Variants in CNOT3 observed in about 807,000 individuals in gnomAD.
CNOT3 encodes the protein CCR4-NOT transcription complex subunit 3.
A neutral mutation model predicts 89.4 loss-of-function variants in CNOT3; 2 were observed. The ratio of observed to expected loss-of-function variants is 0.02; its 90% CI spans 0.01 to 0.07. CNOT3 has a LOEUF of 0.07. Ranked by LOEUF, CNOT3 falls within the 10% of genes least tolerant of loss-of-function variation. The probability of loss-of-function intolerance (pLI) is 1.00; values close to 1 mark genes in which losing one functional copy is unlikely to be tolerated. For synonymous variants in CNOT3, 486 were observed against 402.0 expected (o/e 1.21, Z -2.50); for missense variants, 664 against 1,010.2 (o/e 0.66, Z 4.65).
rs771349135 is a variant in CNOT3, at chr19:54,153,554, G to C, written c.2038-161G>C. 2.6e-6 allele frequency: 2 copies of C among 779,740 alleles called. 1 individual carries two copies. Among genetic ancestry groups the C allele is most frequent in the South Asian group, 2.7e-5 (2 of 73,952 alleles). The allele number at this position is 779,740 out of a possible 1,614,324, so 48.3% of individuals were successfully genotyped here. Reference sequence around the variant, plus strand: ...ATTTTCCTTCTCCTGATCAGCATTGGTATGTTCTGTGCCCCCAGCCCCATC... The same window carrying C: ...ATTTTCCTTCTCCTGATCAGCATTGCTATGTTCTGTGCCCCCAGCCCCATC... On this transcript the variant is annotated intron_variant, in intron 16 of 17. Coordinates refer to ENST00000221232, the MANE Select transcript of CNOT3 (RefSeq NM_014516.4).
intron 13 of CNOT3, 141 bp downstream of exon 13, chr19:54,149,899 T>C: frequency 1.1e-6 from 1 of 885,292 alleles, no homozygotes; most frequent in Non-Finnish European, 1.7e-6. Flanking sequence ...ACTTGCTCTT[T>C]CTCCAGGTCT....
chr19:54,148,901 A>C lies in CNOT3; in HGVS notation c.1406+158A>C, dbSNP rs772992819. Among the ~76,000 whole-genome samples, 2 of 152,124 alleles carry C rather than the reference A, an allele frequency of 1.3e-5. No individual in the cohort carries two copies. Among genetic ancestry groups the C allele is most frequent in the Admixed American group, 6.5e-5 (1 of 15,270 alleles). The stretch of plus-strand genomic sequence containing the variant: ...CATCTCCCTCGGGTGTTACACCCCC[A>C]CTTCTTTCCAGCAAGGAAACTACAT... On this transcript the variant is annotated intron_variant, in intron 12 of 17. Transcript: ENST00000221232. This position sits in a 1 kb window ranked among gnomAD's most constrained non-coding sequence, Gnocchi z 6.3.
intron 15 of CNOT3, 63 bp from the exon 16 acceptor site, chr19:54,152,804 C>T (rs768661490): frequency 1.1e-6 from 1 of 882,576 alleles, no homozygotes; most frequent in Non-Finnish European, 1.9e-6. Context: ...CATGTCTGAG[C>T]ACCCTTTTGA....
Position 54,152,672 on chromosome 19 carries a change from C to A in CNOT3, c.1904+46C>A, listed in dbSNP as rs202242424. On this transcript the variant is annotated intron_variant, in intron 15 of 17. Coordinates refer to ENST00000221232, the MANE Select transcript of CNOT3 (RefSeq NM_014516.4). ...GGGATGGTCTGGGACTTGAGTCTTACGGAGGAGGCAGTGGCTGAACCTGTG... is the reference window on the plus strand; with the variant it reads ...GGGATGGTCTGGGACTTGAGTCTTAAGGAGGAGGCAGTGGCTGAACCTGTG... 7 of 1,495,464 alleles carry A rather than the reference C, an allele frequency of 4.7e-6. No individual in the cohort carries two copies. The Admixed American group carries it at 1.0e-4, about 22-fold the overall frequency. The allele number at this position is 1,495,464 out of a possible 1,614,324, so 92.6% of individuals were successfully genotyped here. A position where few individuals can be genotyped will look rare whatever the true frequency, so the allele number is the denominator to read the frequency against.
chr19:54,143,861 G>A (rs1416443742), intron 5 of CNOT3, 112 bp downstream of exon 5: 2 of 1,466,868 alleles, frequency 1.4e-6, no homozygotes, highest in Admixed American at 4.1e-5. Context: ...GAGAAGTAAG[G>A]TTTCTGCACC....
In CNOT3 at chr19:54,148,953, C is replaced by T. The variant is rs2074875423; in HGVS notation, c.1406+210C>T. Among the ~76,000 whole-genome samples the T allele has an allele frequency of 6.6e-6, 1 of 152,210 alleles. No individual in the cohort carries two copies. Among genetic ancestry groups the T allele is most frequent in the Admixed American group, 6.5e-5 (1 of 15,280 alleles). ...AGCCTCCCTGCTTTGCCCTTCAGAA[C>T]ATTCTAAAATACGTTCTCATCTAAG... On this transcript the variant is annotated intron_variant, in intron 12 of 17. Coordinates refer to ENST00000221232, the MANE Select transcript of CNOT3 (RefSeq NM_014516.4). The surrounding 1 kb of genome is among the most constrained non-coding windows in gnomAD (Gnocchi z 6.3).
intron 16 of CNOT3, 40 bp from the exon 17 acceptor site, chr19:54,153,675 G>T (rs1197697430): frequency 3.2e-6 from 5 of 1,583,104 alleles, no homozygotes; most frequent in Non-Finnish European, 4.3e-6. Context: ...CACCCAGTTT[G>T]GGGGCCCCCT....
chr19:54,147,347 C>T (rs1206230020), intron 10 of CNOT3, among the ~76,000 whole-genome samples: 2 of 152,144 alleles, frequency 1.3e-5, no homozygotes, highest in African/African-American at 4.8e-5. Context: ...ATTGAGGAGG[C>T]TGGTGTGGAG....
In CNOT3 at chr19:54,143,343, G is replaced by GGT. The variant is rs1555801489; in HGVS notation, c.94-98_94-97insTG. On this transcript the variant is annotated intron_variant, in intron 3 of 17. Transcript: ENST00000221232. ...CTAAGATGGATTGGGGGTAGGGGTTGGGGGGGGTCCTCGAGTCCCTAGCAT... is the reference window on the plus strand; with the variant it reads ...CTAAGATGGATTGGGGGTAGGGGTTGGTGGGGGGGTCCTCGAGTCCCTAGCAT... 43 of 1,217,778 alleles carry GGT rather than the reference G, an allele frequency of 3.5e-5. 1 individual carries two copies. Among genetic ancestry groups the GGT allele is most frequent in the East Asian group, 2.7e-4 (11 of 40,460 alleles). 75.4% of individuals were successfully genotyped at this position (1,217,778 alleles called of 1,614,324 possible). A position where few individuals can be genotyped will look rare whatever the true frequency, so the allele number is the denominator to read the frequency against.
Position 54,153,961 on chromosome 19 carries a change from C to T in CNOT3, c.2163+121C>T, listed in dbSNP as rs781254972. 5.6e-5 allele frequency: 72 copies of T among 1,280,804 alleles called. No homozygotes were observed. In the East Asian group the frequency reaches 1.6e-3, roughly 29 times the overall value. 79.3% of individuals were successfully genotyped at this position (1,280,804 alleles called of 1,614,324 possible). On this transcript the variant is annotated intron_variant, in intron 17 of 17. Transcript: ENST00000221232. ...CCTTTCAGCTGGCGCAGTCCCTCAG[C>T]CTGACCAAGTACTCCTCCCTCTGGC...
In CNOT3 at chr19:54,144,586, G is replaced by A. The variant is rs1329046548; in HGVS notation, c.483+254G>A. On this transcript the variant is annotated intron_variant, in intron 7 of 17. Transcript: ENST00000221232. This position sits in a 1 kb window ranked among gnomAD's most constrained non-coding sequence, Gnocchi z 4.8. Reference sequence around the variant, plus strand: ...GGGTAGACCGTGGGGCCTTTGTGAAGAGGAGCGACTTGGGGGAAGGTGAGT... The same window carrying A: ...GGGTAGACCGTGGGGCCTTTGTGAAAAGGAGCGACTTGGGGGAAGGTGAGT... 6.6e-6 allele frequency among the ~76,000 whole-genome samples: 1 copy of A among 152,206 alleles called. No individual in the cohort carries two copies. The highest frequency in any genetic ancestry group is 2.4e-5 in the African/African-American group (1 of 41,458).
chr19:54,143,620 G>A (rs371448543), intron 4 of CNOT3, 40 bp from the exon 5 acceptor site: 27 of 1,608,650 alleles, frequency 1.7e-5, no homozygotes, highest in Non-Finnish European at 2.2e-5. Context: ...CCCAGTTCCT[G>A]GGTCCTGAGG....
intron 1 of CNOT3, among the ~76,000 whole-genome samples, chr19:54,140,878 G>A (rs1319529479): frequency 6.6e-6 from 1 of 152,132 alleles, no homozygotes; most frequent in Non-Finnish European, 1.5e-5. Flanking sequence ...AGTCCTTTCC[G>A]TGTGGAGACA....
At chr19:54,150,420 G>A (rs1238047109) in intron 13 of CNOT3, among the ~76,000 whole-genome samples, 1 of 152,196 alleles carries the variant, frequency 6.6e-6, no homozygotes, top group African/African-American at 2.4e-5. Flanking sequence ...TGTCCACTCT[G>A]CAGGAGACAG....
Position 54,148,424 on chromosome 19 carries a change from C to T in CNOT3, c.1171C>T (p.Pro391Ser), listed in dbSNP as rs587724455. The T allele has an allele frequency of 1.3e-5, 20 of 1,564,948 alleles. No homozygotes were observed. The East Asian group carries it at 4.5e-4, about 35-fold the overall frequency. Reference sequence around the variant, plus strand: ...GCCCAGCACGACCCAGCCCCGGCCCCCCAGCGTCCAGCCTAGCGGAGGCGG... The same window carrying T: ...GCCCAGCACGACCCAGCCCCGGCCCTCCAGCGTCCAGCCTAGCGGAGGCGG... ...SGPSTTQPRP[P>S]SVQPSGGGGG... is the part of the protein sequence containing the mutation. The change falls in exon 11 of 18, where the codon CCC becomes TCC. Residue 391 changes from proline (P) to serine (S), a missense_variant. Physicochemically the swap from Pro to Ser is moderately conservative, Grantham distance 74. Around this residue, in one of 8 missense-constraint regions of CNOT3, gnomAD observed 545 missense variants for 566.2 expected, o/e 0.96. Coordinates refer to ENST00000221232, the MANE Select transcript of CNOT3 (RefSeq NM_014516.4). The surrounding 1 kb of genome is among the most constrained non-coding windows in gnomAD (Gnocchi z 6.3).
intron 1 of CNOT3, chr19:54,142,054 C>G (rs1354610244): frequency 2.0e-5 from 3 of 152,140 alleles, no homozygotes; most frequent in Non-Finnish European, 4.4e-5. Context: ...CCCTGATGGT[C>G]TATGTCTCCC....
Position 54,145,847 on chromosome 19 carries a change from G to C in CNOT3, c.703+30G>C. On this transcript the variant is annotated intron_variant, in intron 8 of 17. Coordinates refer to ENST00000221232, the MANE Select transcript of CNOT3 (RefSeq NM_014516.4). The surrounding 1 kb of genome is among the most constrained non-coding windows in gnomAD (Gnocchi z 5.9). ...GGCCCTGGGGCTGATCGTGGCACAG[G>C]AAGTGAGGGCCCAGAATGGGCTGTG... 1 of 1,609,066 alleles carries C rather than the reference G, an allele frequency of 6.2e-7. No individual in the cohort carries two copies. The highest frequency in any genetic ancestry group is 8.5e-7 in the Non-Finnish European group (1 of 1,176,170).
In CNOT3 at chr19:54,155,447, C is replaced by T; in HGVS notation, c.*40C>T. On this transcript the variant is annotated 3_prime_UTR_variant, in exon 18 of 18. Transcript: ENST00000221232. The stretch of plus-strand genomic sequence containing the variant: ...TCTACCCACCCCCTTCCCCCGCATG[C>T]TGATCCCCCTGCCCAGGTGAGGGCC... 2 of 1,330,102 alleles carry T rather than the reference C, an allele frequency of 1.5e-6. No homozygotes were observed. The highest frequency in any genetic ancestry group is 1.3e-5 in the South Asian group (1 of 78,384). 82.4% of individuals were successfully genotyped at this position (1,330,102 alleles called of 1,614,324 possible). A position where few individuals can be genotyped will look rare whatever the true frequency, so the allele number is the denominator to read the frequency against.
At chr19:54,141,173 C>T (rs1421802065) in intron 1 of CNOT3, among the ~76,000 whole-genome samples, 1 of 152,198 alleles carries the variant, frequency 6.6e-6, no homozygotes, top group Non-Finnish European at 1.5e-5. Context: ...AGGCTTTCCC[C>T]TCCTCAGCCT....
Sources: gnomAD v4.1 joint callset for allele counts (sites outside exome capture counted in the v4.1 genomes callset) on GRCh38, gnomAD v4.1.1 for gene constraint, gnomAD v4.1.1 regional missense constraint, Gnocchi (gnomAD v3.1) non-coding constraint, MANE v1.5 for transcripts, NCBI Gene and HGNC (gene_info 2026-07-23, HGNC 2026-07-21) for gene names.